Variants in ADGB observed in about 807,000 individuals in gnomAD.
The protein encoded by ADGB is androglobin.
A neutral mutation model predicts 210.5 loss-of-function variants in ADGB; 172 were observed. The observed-to-expected ratio is 0.82, with a 90% CI of 0.72 to 0.93. The LOEUF is 0.93. Ranked by LOEUF, ADGB falls within the 40% of genes least tolerant of loss-of-function variation. The pLI is 0.00. For synonymous variants in ADGB, 658 were observed against 662.7 expected (o/e 0.99, Z 0.11); for missense variants, 2,025 against 1,964.8 (o/e 1.03, Z -0.58).
intron 26 of ADGB, among the ~76,000 whole-genome samples, chr6:146,748,533 G>A (rs747129198): frequency 2.0e-5 from 3 of 152,112 alleles, no homozygotes; most frequent in South Asian, 4.2e-4. Flanking sequence ...GAAGCATCAC[G>A]TCTATCTCTG....
chr6:146,656,146 G>C (rs533338367), intron 4 of ADGB, among the ~76,000 whole-genome samples: 2 of 152,322 alleles, frequency 1.3e-5, no homozygotes, highest in South Asian at 4.1e-4. Flanking sequence ...AGATCTGAAA[G>C]AGGATTCAAA....
intron 30 of ADGB, among the ~76,000 whole-genome samples, chr6:146,783,882 T>C (rs1777836250): frequency 6.6e-6 from 1 of 152,194 alleles, no homozygotes; most frequent in African/African-American, 2.4e-5. Flanking sequence ...GACATTAAAA[T>C]GTTGTTAATT....
At chr6:146,805,750 T>C (rs1040951446) in intron 35 of ADGB, among the ~76,000 whole-genome samples, 1 of 152,078 alleles carries the variant, frequency 6.6e-6, no homozygotes, top group African/African-American at 2.4e-5. Flanking sequence ...TTATCTAGGG[T>C]CACTTATTAG....
intron 1 of ADGB, among the ~76,000 whole-genome samples, chr6:146,603,668 T>C (rs564782910): frequency 8.7e-4 from 132 of 152,334 alleles, no homozygotes; most frequent in African/African-American, 3.1e-3. Context: ...CAAGTTAATC[T>C]AACTTTTGAC....
At position 146,720,581 on chromosome 6, in the gene ADGB, T is replaced by A. The variant is rs191939051; in HGVS notation, c.1993-822T>A. Reference sequence around the variant, plus strand: ...ACTGTTATAAAGAACTACCTGAGACTGGGTAATTTATGTAGAAAAGAGGTT... The same window carrying A: ...ACTGTTATAAAGAACTACCTGAGACAGGGTAATTTATGTAGAAAAGAGGTT... On this transcript the variant is annotated intron_variant, in intron 16 of 35. Coordinates refer to ENST00000397944, the MANE Select transcript of ADGB (RefSeq NM_024694.4). Among the ~76,000 whole-genome samples the A allele has an allele frequency of 8.7e-4, 132 of 152,324 alleles. No individual in the cohort carries two copies. The East Asian group carries it at 0.01, about 12-fold the overall frequency.
intron 35 of ADGB, among the ~76,000 whole-genome samples, chr6:146,811,831 C>G (rs1237688562): frequency 1.3e-5 from 2 of 152,156 alleles, no homozygotes; most frequent in Non-Finnish European, 2.9e-5. Flanking sequence ...GCCACCACGC[C>G]TGGCTAATTT....
At chr6:146,713,206 C>T (rs1025614158) in intron 13 of ADGB, among the ~76,000 whole-genome samples, 6 of 152,112 alleles carry the variant, frequency 3.9e-5, no homozygotes, top group African/African-American at 1.2e-4. Context: ...TCATGAATAA[C>T]GCTGCTATGA....
At chr6:146,694,350 A>G (rs1171653091) in intron 12 of ADGB, among the ~76,000 whole-genome samples, 1 of 152,170 alleles carries the variant, frequency 6.6e-6, no homozygotes, top group Non-Finnish European at 1.5e-5. Flanking sequence ...TTCCTCATGC[A>G]TGGCATCTTA....
chr6:146,714,318 T>G (rs78672936), intron 13 of ADGB, among the ~76,000 whole-genome samples: 1 of 80,382 alleles, frequency 1.2e-5, no homozygotes, highest in African/African-American at 1.4e-4. Context: ...GCATCTTGTT[T>G]TTTTTTTTTT....
intron 1 of ADGB, among the ~76,000 whole-genome samples, chr6:146,604,662 AT>A (rs1330804605): frequency 6.6e-6 from 1 of 152,212 alleles, no homozygotes; most frequent in Non-Finnish European, 1.5e-5. Flanking sequence ...AGAATTGCCC[AT>A]GCTGAAGTCA....
intron 18 of ADGB, chr6:146,724,761 C>T (rs1193689434): frequency 6.6e-6 from 1 of 151,928 alleles, no homozygotes; most frequent in African/African-American, 2.4e-5. Context: ...ATGCATTTTC[C>T]CCTACCAATC....
chr6:146,731,028 G>A (rs1341699139), intron 20 of ADGB, among the ~76,000 whole-genome samples: 1 of 152,154 alleles, frequency 6.6e-6, no homozygotes, highest in Non-Finnish European at 1.5e-5. Context: ...TGTCCTAAAT[G>A]TAAATGCTCT....
intron 5 of ADGB, among the ~76,000 whole-genome samples, chr6:146,662,416 A>G (rs1205702928): frequency 6.6e-6 from 1 of 152,076 alleles, no homozygotes; most frequent in African/African-American, 2.4e-5. Flanking sequence ...TATTGATCTC[A>G]TCAATTGAGA....
Position 146,777,997 on chromosome 6 carries a change from C to T in ADGB, c.3863-4023C>T, listed in dbSNP as rs376175061. Reference sequence around the variant, plus strand: ...TGTGTTACAATAAGCACACCATTAGCAGCCATATTTTGTGACAACAAACAC... The same window carrying T: ...TGTGTTACAATAAGCACACCATTAGTAGCCATATTTTGTGACAACAAACAC... On this transcript the variant is annotated intron_variant, in intron 29 of 35. Transcript: ENST00000397944. Among the ~76,000 whole-genome samples the T allele has an allele frequency of 1.5e-4, 23 of 152,280 alleles. No homozygotes were observed. In the East Asian group the frequency reaches 3.5e-3, roughly 23 times the overall value.
chr6:146,604,677 G>A (rs1780607544), intron 1 of ADGB, among the ~76,000 whole-genome samples: 1 of 152,168 alleles, frequency 6.6e-6, no homozygotes, highest in African/African-American at 2.4e-5. Context: ...GAAGTCACTG[G>A]TAGGCCCCAG....
intron 7 of ADGB, among the ~76,000 whole-genome samples, chr6:146,668,527 T>C (rs1775966336): frequency 6.6e-6 from 1 of 152,138 alleles, no homozygotes; most frequent in Admixed American, 6.6e-5. Context: ...AAACTTTTCC[T>C]ATTATCTAAA....
At chr6:146,760,676 T>C (rs1777475793) in intron 27 of ADGB, among the ~76,000 whole-genome samples, 1 of 151,962 alleles carries the variant, frequency 6.6e-6, no homozygotes, top group Admixed American at 6.6e-5. Context: ...TATTTTAAGA[T>C]GGTAAACAGT....
Position 146,810,941 on chromosome 6 carries a change from C to T in ADGB, c.4819-4091C>T, listed in dbSNP as rs542234395. ...TTGATTATATTAATCATTCAGTGTA[C>T]ACATATATCAAACCATCCTGTGGTA... On this transcript the variant is annotated intron_variant, in intron 35 of 35. Coordinates refer to ENST00000397944, the MANE Select transcript of ADGB (RefSeq NM_024694.4). 2.6e-5 allele frequency among the ~76,000 whole-genome samples: 4 copies of T among 152,232 alleles called. No individual in the cohort carries two copies. The South Asian group carries it at 8.3e-4, about 32-fold the overall frequency.
chr6:146,787,480 T>A (rs1370205193), intron 32 of ADGB, among the ~76,000 whole-genome samples: 1 of 152,090 alleles, frequency 6.6e-6, no homozygotes, highest in Admixed American at 6.6e-5. Flanking sequence ...TTATAAGAAA[T>A]TTGTCTATTT....
Sources: allele counts gnomAD v4.1 joint callset (sites outside exome capture counted in the v4.1 genomes callset), GRCh38; gene constraint gnomAD v4.1.1; transcripts MANE v1.5; gene names NCBI Gene and HGNC (gene_info 2026-07-23, HGNC 2026-07-21).